CMIP: variants seen among roughly 807,000 people sequenced by gnomAD.
The protein encoded by CMIP is C-Maf-inducing protein.
Under a neutral mutation model 97.3 loss-of-function variants are expected in CMIP, and 13 were observed. The observed-to-expected ratio is 0.13, with a 90% CI of 0.09 to 0.21. CMIP has a LOEUF of 0.21. CMIP is among the 10% of genes least tolerant of loss of function. CMIP has a pLI of 1.00. For missense variants in CMIP, 847 were observed against 1,024.9 expected, an observed-to-expected ratio of 0.83 and a Z score of 2.37; for synonymous variants, 538 against 436.3, an observed-to-expected ratio of 1.23 and a Z score of -2.91.
intron 1 of CMIP, among the ~76,000 whole-genome samples, chr16:81,596,252 T>C (rs1351881911): frequency 1.3e-5 from 2 of 152,128 alleles, no homozygotes; most frequent in Non-Finnish European, 2.9e-5. Flanking sequence ...ACGCCTGTAA[T>C]CCCAGCACTT....
intron 9 of CMIP, among the ~76,000 whole-genome samples, chr16:81,677,258 CT>C (rs923545150): frequency 8.5e-5 from 13 of 152,162 alleles, no homozygotes; most frequent in Admixed American, 6.5e-4. Context: ...GGATCCTGGG[CT>C]TTGGGGTCCA....
At position 81,489,753 on chromosome 16, in the gene CMIP, C is replaced by T. The variant is rs144238736; in HGVS notation, c.300+44212C>T. ...GGAGAGAGCTGATGTGCGATGTGTG[C>T]GTAGTGCCCAGCGAAGGGCCCTTCA... is the stretch of plus-strand genomic sequence containing the variant. On this transcript the variant is annotated intron_variant, in intron 1 of 20. Transcript: ENST00000537098. Among the ~76,000 whole-genome samples, 644 of 152,284 alleles carry T rather than the reference C, an allele frequency of 4.2e-3. 1 individual carries two copies. The highest frequency in any genetic ancestry group is 7.4e-3 in the Admixed American group (113 of 15,300).
chr16:81,452,881 TTTTG>T (rs1380720131), intron 1 of CMIP, among the ~76,000 whole-genome samples: 10 of 78,110 alleles, frequency 1.3e-4, no homozygotes, highest in Admixed American at 4.0e-4. Flanking sequence ...TTTTTTTTTG[TTTTG>T]TTTTTTTTTT....
chr16:81,577,687 A>G (rs112555536), intron 1 of CMIP, among the ~76,000 whole-genome samples: 2 of 151,080 alleles, frequency 1.3e-5, no homozygotes, highest in Non-Finnish European at 2.9e-5. Context: ...CCACTACATT[A>G]TTATCACTAT....
Position 81,682,896 on chromosome 16 carries a change from G to GA in CMIP, c.1388+4275dup, listed in dbSNP as rs200958251. Among the ~76,000 whole-genome samples, 633 of 152,298 alleles carry GA rather than the reference G, an allele frequency of 4.2e-3. 2 individuals are homozygous for GA. Among genetic ancestry groups the GA allele is most frequent in the African/African-American group, 0.014 (594 of 41,572 alleles). ...CCAAATGCGGGTCGAGGTTGATGGT[G>GA]AAAAAAATCACCGCATGAGGCGCAG... On this transcript the variant is annotated intron_variant, in intron 10 of 20. Transcript: ENST00000537098.
intron 6 of CMIP, among the ~76,000 whole-genome samples, chr16:81,661,720 C>T (rs992338101): frequency 3.3e-5 from 5 of 152,180 alleles, no homozygotes; most frequent in Non-Finnish European, 5.9e-5. Context: ...GGCTGTGGTG[C>T]GCTTGATTTC....
chr16:81,614,816 GGTAT>G lies in CMIP; in HGVS notation c.427-6055_427-6052del, dbSNP rs1194649937. ...GTGCCTGATATGTGTGTTTATATGT[GGTAT>G]GTATATGTGTATACGGTGTGTATGC... On this transcript the variant is annotated intron_variant, in intron 2 of 20. Coordinates refer to ENST00000537098, the MANE Select transcript of CMIP (RefSeq NM_198390.3). The surrounding 1 kb of genome is among the most constrained non-coding windows in gnomAD (Gnocchi z 5.3). Among the ~76,000 whole-genome samples, 1 of 150,424 alleles carries G rather than the reference GGTAT, an allele frequency of 6.6e-6. No homozygotes were observed. Among genetic ancestry groups the G allele is most frequent in the East Asian group, 2.0e-4 (1 of 5,094 alleles).
chr16:81,557,531 A>T (rs28612761), intron 1 of CMIP, among the ~76,000 whole-genome samples: 46,424 of 152,170 alleles, frequency 0.31, 7,408 homozygotes, highest in East Asian at 0.52. Context: ...TGATTAAATC[A>T]TGCTAACAAA....
intron 1 of CMIP, among the ~76,000 whole-genome samples, chr16:81,448,905 T>C (rs1018677512): frequency 1.3e-5 from 2 of 152,262 alleles, no homozygotes; most frequent in African/African-American, 4.8e-5. Flanking sequence ...TCCCAGTTCC[T>C]GGGCCTCACT....
intron 1 of CMIP, among the ~76,000 whole-genome samples, chr16:81,578,332 T>A (rs1339589468): frequency 6.6e-6 from 1 of 152,256 alleles, no homozygotes; most frequent in Non-Finnish European, 1.5e-5. Flanking sequence ...ATAAGGTCTC[T>A]TTCCTGCTCT....
intron 1 of CMIP, among the ~76,000 whole-genome samples, chr16:81,471,551 ATG>A (rs1277898110): frequency 1.2e-5 from 1 of 82,752 alleles, no homozygotes; most frequent in African/African-American, 3.4e-5. Context: ...ACATACACAC[ATG>A]TGCACACACA....
intron 1 of CMIP, among the ~76,000 whole-genome samples, chr16:81,588,765 G>T (rs1473310487): frequency 6.6e-6 from 1 of 152,180 alleles, no homozygotes; most frequent in Admixed American, 6.5e-5. Flanking sequence ...GTGGGGCACA[G>T]CAGGCCCTCT....
At chr16:81,686,954 G>A (rs1905464301) in intron 10 of CMIP, among the ~76,000 whole-genome samples, 1 of 151,792 alleles carries the variant, frequency 6.6e-6, no homozygotes, top group Non-Finnish European at 1.5e-5. Flanking sequence ...GTGCCCAGGT[G>A]TCAGCGGGGC....
At chr16:81,698,995 T>C (rs1397733124) in intron 14 of CMIP, among the ~76,000 whole-genome samples, 1 of 152,244 alleles carries the variant, frequency 6.6e-6, no homozygotes, top group Non-Finnish European at 1.5e-5. Context: ...CTCACGCCTG[T>C]AATCCCAGCA....
At chr16:81,548,677 CA>C (rs371381981) in intron 1 of CMIP, among the ~76,000 whole-genome samples, 120 of 113,292 alleles carry the variant, frequency 1.1e-3, no homozygotes, top group Middle Eastern at 4.9e-3. Flanking sequence ...CATGCCTCTA[CA>C]AAAAAAAAAA....
intron 19 of CMIP, 46 bp downstream of exon 19, chr16:81,705,650 A>C (rs1908051734): frequency 1.5e-6 from 2 of 1,296,538 alleles, no homozygotes; most frequent in African/African-American, 1.5e-5. Context: ...CGCTTGATTC[A>C]TTCCTTCCTT....
At chr16:81,461,813 CCTCAT>C (rs1341624031) in intron 1 of CMIP, among the ~76,000 whole-genome samples, 1 of 152,168 alleles carries the variant, frequency 6.6e-6, no homozygotes, top group African/African-American at 2.4e-5. Flanking sequence ...GTTCTCTGAC[CCTCAT>C]CTTGGAAACT....
At chr16:81,632,947 G>A (rs1308158416) in intron 3 of CMIP, among the ~76,000 whole-genome samples, 2 of 152,012 alleles carry the variant, frequency 1.3e-5, no homozygotes, top group Non-Finnish European at 2.9e-5. Context: ...CCCAAACTGC[G>A]AAGGAAGAAG....
chr16:81,459,930 C>T (rs1047302162), intron 1 of CMIP, among the ~76,000 whole-genome samples: 1 of 152,210 alleles, frequency 6.6e-6, no homozygotes, highest in Non-Finnish European at 1.5e-5. Context: ...CTGGGCTCAC[C>T]TTTGAATGCC....
Sources: allele counts gnomAD v4.1 joint callset (sites outside exome capture counted in the v4.1 genomes callset), GRCh38; gene constraint gnomAD v4.1.1; non-coding constraint Gnocchi (gnomAD v3.1); transcripts MANE v1.5; gene names NCBI Gene and HGNC (gene_info 2026-07-23, HGNC 2026-07-21).